Variants in AGRN observed in about 807,000 individuals in gnomAD.
AGRN encodes agrin, also known as agrin proteoglycan.
AGRN carries 106 observed loss-of-function variants against 211.0 expected under a neutral mutation model. The ratio of observed to expected loss-of-function variants is 0.50; its 90% CI spans 0.43 to 0.59. The LOEUF (loss-of-function observed/expected upper bound fraction) is 0.59. Among genes scored for constraint, AGRN ranks in the 20% least tolerant of loss-of-function variants. The pLI, the probability that AGRN is intolerant of heterozygous loss-of-function variation, is 0.00. For synonymous variants in AGRN, 1,525 were observed against 1,332.5 expected (o/e 1.14, Z -3.15); for missense variants, 3,040 against 2,982.6 (o/e 1.02, Z -0.45).
At chr1:1,050,389 G>T in intron 28 of AGRN, 38 bp from the exon 29 acceptor site, 1 of 1,612,610 alleles carries the variant, frequency 6.2e-7, no homozygotes, top group East Asian at 2.2e-5. Context: ...CCTGTGGGGA[G>T]GGGACAGCAA....
chr1:1,047,880 C>T lies in AGRN; in HGVS notation c.3736C>T (p.Arg1246Ter). ...GAGGCGGCCGCTGCAGGAGCACGTG[C>T]GATTTATGGACTTTGGTGAGCGCCA... ...GVRRPLQEHVRFMDFDWFPAF... is the reference protein window; with the variant it reads ...GVRRPLQEHV The change falls in exon 22 of 36, where the codon CGA becomes TGA. Residue 1246 changes from arginine to a stop codon, truncating the protein, a stop_gained. Coordinates refer to ENST00000379370, the MANE Select transcript of AGRN (RefSeq NM_198576.4). LOFTEE classifies it high-confidence loss of function. 6.2e-7 allele frequency: 1 copy of T among 1,605,434 alleles called. No homozygotes were observed. Among genetic ancestry groups the T allele is most frequent in the Admixed American group, 1.7e-5 (1 of 59,074 alleles).
intron 30 of AGRN, 169 bp from the exon 31 acceptor site, chr1:1,051,084 C>T: frequency 1.9e-6 from 3 of 1,547,964 alleles, no homozygotes; most frequent in Non-Finnish European, 2.6e-6. Context: ...TCTGGCGCCT[C>T]AACCCCTAGG....
chr1:1,041,662 C>T lies in AGRN; in HGVS notation c.1137C>T (p.Leu379=), dbSNP rs1404751859. The change falls in exon 6 of 36, where the codon CTC becomes CTT. Residue 379 remains leucine (L), a synonymous_variant. Coordinates refer to ENST00000379370, the MANE Select transcript of AGRN (RefSeq NM_198576.4). ...GCCGATCGGGGGCCGCCCGGGGTCT[C>T]CTCCTGCAGAAAGTGCGCTCCGGCC... is the stretch of plus-strand genomic sequence containing the variant. ...VMGRSGAARG[L]LLQKVRSGQC... The T allele has an allele frequency of 5.0e-6, 8 of 1,611,006 alleles. No homozygotes were observed. Among genetic ancestry groups the T allele is most frequent in the East Asian group, 2.2e-5 (1 of 44,824 alleles).
intron 15 of AGRN, 37 bp from the exon 16 acceptor site, chr1:1,045,927 A>T (rs750128258): frequency 6.2e-7 from 1 of 1,609,052 alleles, no homozygotes; most frequent in East Asian, 2.2e-5. Flanking sequence ...GGGTGGGGTC[A>T]CCCGAGCCAC....
Position 1,045,994 on chromosome 1 carries a change from T to C in AGRN, c.2711T>C (p.Met904Thr), listed in dbSNP as rs765491061. The change falls in exon 16 of 36, where the codon ATG becomes ACG. Residue 904 changes from methionine to threonine, a missense_variant. Transcript: ENST00000379370. Reference protein sequence around the residue: ...DASAPATCAEMRCEFGARCVE... With the variant: ...DASAPATCAETRCEFGARCVE... The stretch of plus-strand genomic sequence containing the variant: ...TCTGCGCCTGCGACCTGTGCGGAGA[T>C]GCGCTGTGAGTTCGGTGCGCGGTGC... The C allele has an allele frequency of 6.2e-7, 1 of 1,613,950 alleles. No individual in the cohort carries two copies. The highest frequency in any genetic ancestry group is 1.7e-5 in the Admixed American group (1 of 60,028).
At chr1:1,052,080 A>G in intron 33 of AGRN, 1 of 1,452,024 alleles carries the variant, frequency 6.9e-7, no homozygotes, top group Non-Finnish European at 9.2e-7. Context: ...CCTGGTGGGG[A>G]GCAGAGTCCG....
At position 1,048,578 on chromosome 1, in the gene AGRN, C is replaced by T. The variant is rs1056143422; in HGVS notation, c.4105+213C>T. The T allele has an allele frequency of 1.7e-6, 1 of 594,130 alleles. No individual in the cohort carries two copies. The highest frequency in any genetic ancestry group is 2.9e-5 in the East Asian group (1 of 34,508). 36.8% of individuals were successfully genotyped at this position (594,130 alleles called of 1,614,324 possible). ...CTGAGGTCGGGAGTTCGAGACCAGC[C>T]TGACCAACATGGAGACACTCTGTCT... On this transcript the variant is annotated intron_variant, in intron 23 of 35. Transcript: ENST00000379370. This position sits in a 1 kb window ranked among gnomAD's most constrained non-coding sequence, Gnocchi z 5.9.
chr1:1,028,435 G>T (rs2100582319), intron 2 of AGRN, among the ~76,000 whole-genome samples: 1 of 151,594 alleles, frequency 6.6e-6, no homozygotes. Context: ...GGGTGGACCG[G>T]AAGTCAGCGT....
chr1:1,044,945 G>A (rs1645048998), intron 12 of AGRN, among the ~76,000 whole-genome samples: 2 of 152,198 alleles, frequency 1.3e-5, no homozygotes. Context: ...GATGCTCTGT[G>A]TGTTGTGTGT....
Position 1,047,861 on chromosome 1 carries a change from G to T in AGRN, c.3717G>T (p.Arg1239=). Reference sequence around the variant, plus strand: ...GGCGCCGGTCCTTGGGGGTGAGGCGGCCGCTGCAGGAGCACGTGCGATTTA... The same window carrying T: ...GGCGCCGGTCCTTGGGGGTGAGGCGTCCGCTGCAGGAGCACGTGCGATTTA... The part of the protein sequence containing the change: ...VSRRRSLGVR[R]PLQEHVRFMD... The change falls in exon 22 of 36, where the codon CGG becomes CGT. Residue 1239 remains arginine, a synonymous_variant. Coordinates refer to ENST00000379370, the MANE Select transcript of AGRN (RefSeq NM_198576.4). The T allele has an allele frequency of 6.2e-7, 1 of 1,605,590 alleles. No homozygotes were observed.
chr1:1,032,150 G>A lies in AGRN; in HGVS notation c.464-3127G>A, dbSNP rs1348908662. Reference sequence around the variant, plus strand: ...GAGGCCAGCAGGGGTGGGTCTCCAAGTGCTTCCTTTGACAGCTGCTCTGGA... The same window carrying A: ...GAGGCCAGCAGGGGTGGGTCTCCAAATGCTTCCTTTGACAGCTGCTCTGGA... On this transcript the variant is annotated intron_variant, in intron 2 of 35. Transcript: ENST00000379370. The surrounding 1 kb of genome is among the most constrained non-coding windows in gnomAD (Gnocchi z 4.7). Among the ~76,000 whole-genome samples, 1 of 152,172 alleles carries A rather than the reference G, an allele frequency of 6.6e-6. No individual in the cohort carries two copies. The highest frequency in any genetic ancestry group is 1.5e-5 in the Non-Finnish European group (1 of 68,016).
At position 1,049,123 on chromosome 1, in the gene AGRN, G is replaced by GT. The variant is rs1236773668; in HGVS notation, c.4298+64_4298+65insT. 3.6e-5 allele frequency: 25 copies of GT among 689,164 alleles called. No homozygotes were observed. The African/African-American group carries it at 4.2e-4, about 12-fold the overall frequency. 42.7% of individuals were successfully genotyped at this position (689,164 alleles called of 1,614,324 possible). ...GGCGGGGAGGGGACGGGCGGGGGAG[G>GT]GGGGGCCGGGGCAGCTCAGGTGGGT... On this transcript the variant is annotated intron_variant, in intron 24 of 35. Coordinates refer to ENST00000379370, the MANE Select transcript of AGRN (RefSeq NM_198576.4).
chr1:1,036,251 G>C (rs898526403), intron 3 of AGRN, among the ~76,000 whole-genome samples: 9 of 152,164 alleles, frequency 5.9e-5, no homozygotes, highest in Non-Finnish European at 1.3e-4. Context: ...TCTTGGGAGT[G>C]GGGGATGATG....
rs1222277685 is a variant in AGRN, at chr1:1,047,695, C to G, written c.3631+8C>G. ...ATGTGCACTTTGACCCCAGTGAGAC[C>G]TGCACCCTGGACCCTTCCTGGGAGG... On this transcript the variant is annotated splice_region_variant and intron_variant, in intron 21 of 35. Coordinates refer to ENST00000379370, the MANE Select transcript of AGRN (RefSeq NM_198576.4). The G allele has an allele frequency of 6.2e-7, 1 of 1,613,042 alleles. No individual in the cohort carries two copies. Among genetic ancestry groups the G allele is most frequent in the Non-Finnish European group, 8.5e-7 (1 of 1,180,010 alleles).
chr1:1,020,350 G>C lies in AGRN; in HGVS notation c.178G>C (p.Val60Leu). 6.7e-7 allele frequency: 1 copy of C among 1,497,048 alleles called. No homozygotes were observed. Among genetic ancestry groups the C allele is most frequent in the Non-Finnish European group, 8.9e-7 (1 of 1,121,964 alleles). The allele number at this position is 1,497,048 out of a possible 1,614,324, so 92.7% of individuals were successfully genotyped here. A position where few individuals can be genotyped will look rare whatever the true frequency, so the allele number is the denominator to read the frequency against. The change falls in exon 1 of 36, where the codon GTG becomes CTG. Residue 60 changes from valine (V) to leucine (L), a missense_variant. This residue lies in a region of AGRN where 1,498 missense variants were observed against 1,457.8 expected (regional missense o/e 1.03). Coordinates refer to ENST00000379370, the MANE Select transcript of AGRN (RefSeq NM_198576.4). ...GGAGGAGATCCTCAACGTGGACCCG[G>C]TGCAGCACACGTACTCCTGCAAGGT... ...TVEEILNVDPVQHTYSCKVRV... is the reference protein window; with the variant it reads ...TVEEILNVDPLQHTYSCKVRV...
intron 2 of AGRN, among the ~76,000 whole-genome samples, chr1:1,024,199 G>A (rs1236259861): frequency 1.3e-5 from 2 of 152,090 alleles, no homozygotes; most frequent in Non-Finnish European, 2.9e-5. Flanking sequence ...CTGGCTGCCG[G>A]GACAGGGTAA....
Position 1,047,474 on chromosome 1 carries a change from C to T in AGRN, c.3516+20C>T, listed in dbSNP as rs751982039. ...AGCACCGTAAGACGGGGGCGCAGCC[C>T]CCACCTACCCACTGGCCTTCCTCCC... On this transcript the variant is annotated intron_variant, in intron 20 of 35. Coordinates refer to ENST00000379370, the MANE Select transcript of AGRN (RefSeq NM_198576.4). 1.9e-6 allele frequency: 3 copies of T among 1,612,704 alleles called. No homozygotes were observed. In the Admixed American group the frequency reaches 5.0e-5, roughly 27 times the overall value.
At chr1:1,030,882 GATCAGC>G (rs1165855361) in intron 2 of AGRN, among the ~76,000 whole-genome samples, 1 of 112,066 alleles carries the variant, frequency 8.9e-6, no homozygotes, top group African/African-American at 3.4e-5. Flanking sequence ...TGCTGTGTGA[GATCAGC>G]ATGTGTGTGT....
chr1:1,033,103 C>T (rs931973964), intron 2 of AGRN, among the ~76,000 whole-genome samples: 3 of 152,070 alleles, frequency 2.0e-5, no homozygotes, highest in African/African-American at 4.8e-5. Context: ...GGAACGGCCT[C>T]TTGGGGGCGT....
Sources: allele counts gnomAD v4.1 joint callset (sites outside exome capture counted in the v4.1 genomes callset), GRCh38; gene constraint gnomAD v4.1.1; regional missense constraint gnomAD v4.1.1; non-coding constraint Gnocchi (gnomAD v3.1); transcripts MANE v1.5; gene names NCBI Gene and HGNC (gene_info 2026-07-23, HGNC 2026-07-21).